SMARCA1: variants seen among roughly 807,000 people sequenced by gnomAD.
SMARCA1 encodes SWI/SNF-related matrix-associated actin-dependent regulator of chromatin subfamily A member 1.
SMARCA1 carries 17 observed loss-of-function variants against 93.6 expected under a neutral mutation model. That is an observed-to-expected ratio of 0.18 (90% CI 0.12 to 0.27). The LOEUF is 0.27. Ranked by LOEUF, SMARCA1 falls within the 10% of genes least tolerant of loss-of-function variation. SMARCA1 has a pLI of 1.00. For missense variants in SMARCA1, 630 were observed against 819.0 expected, an observed-to-expected ratio of 0.77 and a Z score of 2.82; for synonymous variants, 271 against 271.4, an observed-to-expected ratio of 1.00 and a Z score of 0.01.
chrX:129,450,818 T>C (rs1182681132), intron 23 of SMARCA1, among the ~76,000 whole-genome samples: 1 of 111,685 alleles, frequency 9.0e-6, no homozygotes, highest in African/African-American at 3.3e-5. Flanking sequence ...TTTTCTGCAA[T>C]GAACATTTAA....
At chrX:129,465,074 A>C (rs975352302) in intron 23 of SMARCA1, among the ~76,000 whole-genome samples, 6 of 111,150 alleles carry the variant, frequency 5.4e-5, no homozygotes, top group Admixed American at 3.8e-4. Context: ...ACAGCTATAA[A>C]GGGGGCATTT....
rs938004877 is a variant in SMARCA1 at position 129,498,054 on chromosome X, A to G, written c.1295T>C (p.Met432Thr). 3.4e-6 allele frequency: 4 copies of G among 1,174,114 alleles called. No homozygotes were observed. The highest frequency in any genetic ancestry group is 2.4e-4 in the Middle Eastern group (1 of 4,242). ...AGAGTTTAAAACATCAATATCTTTC[A>G]TCAGGATTTTTGTATACCTAAAAAT... ...MQREWYTKIL[M>T]KDIDVLNSSG... The change falls in exon 11 of 25, where the codon ATG becomes ACG. Residue 432 changes from methionine to threonine, a missense_variant. By Grantham distance (81) the Met-to-Thr change is moderately conservative (BLOSUM62 -1). This residue lies in a region of SMARCA1 where 382 missense variants were observed against 537.9 expected (regional missense o/e 0.71). Transcript: ENST00000371121.
chrX:129,506,322 A>C (rs1216188084), intron 7 of SMARCA1, 111 bp from the exon 8 acceptor site: 1 of 574,114 alleles, frequency 1.7e-6, no homozygotes, highest in East Asian at 3.3e-5. Context: ...TAACTTGAAA[A>C]TTTTCTATGG....
At chrX:129,461,351 C>A (rs982484639) in intron 23 of SMARCA1, among the ~76,000 whole-genome samples, 4 of 111,609 alleles carry the variant, frequency 3.6e-5, no homozygotes, top group Non-Finnish European at 7.5e-5. Context: ...TTAAATTCTG[C>A]TTTTTCTACT....
chrX:129,488,562 T>G (rs1933992057), intron 16 of SMARCA1, among the ~76,000 whole-genome samples: 1 of 103,359 alleles, frequency 9.7e-6, no homozygotes, highest in Non-Finnish European at 2.0e-5. Context: ...GAGTTATCAT[T>G]GCACCACTGC....
intron 17 of SMARCA1, 124 bp downstream of exon 17, chrX:129,486,894 T>C (rs1416713047): frequency 3.7e-6 from 2 of 544,740 alleles, no homozygotes; most frequent in Non-Finnish European, 6.1e-6. Flanking sequence ...ATGAGATATT[T>C]AGACCTATAT....
intron 1 of SMARCA1, among the ~76,000 whole-genome samples, chrX:129,522,170 G>C (rs1295634236): frequency 6.3e-5 from 7 of 111,507 alleles, no homozygotes; most frequent in Admixed American, 5.7e-4. Flanking sequence ...ACGTTTTATA[G>C]TTTTATTTGC....
At position 129,518,385 on chromosome X, in the gene SMARCA1, C is replaced by A; in HGVS notation, c.237G>T (p.Met79Ile). ...AAKAPKSEKE[M>I]DPEYEEKMKA... Reference sequence around the variant, plus strand: ...CCATTTTCTCTTCATATTCTGGGTCCATTTCCTTTTCAGATTTAGGCGCTT... The same window carrying A: ...CCATTTTCTCTTCATATTCTGGGTCAATTTCCTTTTCAGATTTAGGCGCTT... Residue 79 changes from methionine (M) to isoleucine (I), a missense_variant, in exon 2 of 25, where the codon ATG becomes ATT. Physicochemically the swap from Met to Ile is conservative, Grantham distance 10. Coordinates refer to ENST00000371121, the MANE Select transcript of SMARCA1 (RefSeq NM_001282874.2). 1 of 1,189,734 alleles carries A rather than the reference C, an allele frequency of 8.4e-7. No homozygotes were observed. Among genetic ancestry groups the A allele is most frequent in the Non-Finnish European group, 1.1e-6 (1 of 879,721 alleles).
chrX:129,465,719 T>C lies in SMARCA1; in HGVS notation c.2831A>G (p.Lys944Arg). ...AATGCGCAACTGATGAAATGGAGCC[T>C]TGTATCTTGCAATCTGTGTATTTAA... ...KALDAKIARY[K>R]APFHQLRIQY... The change falls in exon 23 of 25, where the codon AAG becomes AGG. Residue 944 changes from lysine (K) to arginine (R), a missense_variant. By Grantham distance (26) the Lys-to-Arg change is conservative. This residue lies in a region of SMARCA1 where 93 missense variants were observed against 160.8 expected (regional missense o/e 0.58). Transcript: ENST00000371121. 1 of 1,173,235 alleles carries C rather than the reference T, an allele frequency of 8.5e-7. No homozygotes were observed. Among genetic ancestry groups the C allele is most frequent in the Non-Finnish European group, 1.1e-6 (1 of 875,718 alleles).
rs190105402 is a variant in SMARCA1 at position 129,493,724 on chromosome X, G to A, written c.1627-649C>T. Among the ~76,000 whole-genome samples the A allele has an allele frequency of 4.5e-5, 5 of 112,134 alleles. No individual in the cohort carries two copies. The East Asian group carries it at 8.4e-4, about 19-fold the overall frequency. On this transcript the variant is annotated intron_variant, in intron 12 of 24. Coordinates refer to ENST00000371121, the MANE Select transcript of SMARCA1 (RefSeq NM_001282874.2). The stretch of plus-strand genomic sequence containing the variant: ...TACCAATACTTTACCGCGCTGCTGG[G>A]AGAATTCAATTGGAACTTTAAGTTG...
At chrX:129,463,133 A>G (rs1932834765) in intron 23 of SMARCA1, among the ~76,000 whole-genome samples, 1 of 111,693 alleles carries the variant, frequency 9.0e-6, no homozygotes, top group African/African-American at 3.2e-5. Context: ...TAAAAACTCA[A>G]AATTCAATAA....
intron 23 of SMARCA1, among the ~76,000 whole-genome samples, chrX:129,462,430 G>A (rs1932822532): frequency 1.8e-5 from 2 of 111,691 alleles, no homozygotes; most frequent in South Asian, 7.5e-4. Flanking sequence ...AGATCATCAA[G>A]AACCATCAAT....
intron 17 of SMARCA1, among the ~76,000 whole-genome samples, chrX:129,485,446 T>G (rs1230295610): frequency 8.9e-6 from 1 of 112,344 alleles, no homozygotes; most frequent in Non-Finnish European, 1.9e-5. Flanking sequence ...GGCTCACAGC[T>G]GTAAGGAACT....
At chrX:129,456,974 T>TAACATG (rs1302108468) in intron 23 of SMARCA1, among the ~76,000 whole-genome samples, 1 of 112,317 alleles carries the variant, frequency 8.9e-6, no homozygotes, top group Non-Finnish European at 1.9e-5. Flanking sequence ...AGCTCTACTG[T>TAACATG]AACATGCTAT....
intron 5 of SMARCA1, among the ~76,000 whole-genome samples, chrX:129,512,354 G>C (rs777001605): frequency 3.6e-4 from 40 of 111,692 alleles, no homozygotes; most frequent in Non-Finnish European, 6.8e-4. Flanking sequence ...CGCTTCCTTT[G>C]CCAGCCTGCT....
At chrX:129,501,456 C>T (rs1934554009) in intron 9 of SMARCA1, among the ~76,000 whole-genome samples, 1 of 109,105 alleles carries the variant, frequency 9.2e-6, no homozygotes, top group East Asian at 2.9e-4. Context: ...CCACCACGCT[C>T]GGCTAATTTT....
rs1290214935 is a variant in SMARCA1, at chrX:129,523,390, G to A, written c.-20C>T. On this transcript the variant is annotated 5_prime_UTR_variant, in exon 1 of 25. Coordinates refer to ENST00000371121, the MANE Select transcript of SMARCA1 (RefSeq NM_001282874.2). ...CTCCATGCCGTGGGAGCGGGAACGAGTAGGGGGACAAGGCAGGGGACGAGG... is the reference window on the plus strand; with the variant it reads ...CTCCATGCCGTGGGAGCGGGAACGAATAGGGGGACAAGGCAGGGGACGAGG... The A allele has an allele frequency of 8.7e-7, 1 of 1,149,712 alleles. No homozygotes were observed. Among genetic ancestry groups the A allele is most frequent in the Non-Finnish European group, 1.2e-6 (1 of 866,518 alleles). 94.7% of individuals were successfully genotyped at this position (1,149,712 alleles called of 1,213,427 possible).
At chrX:129,494,095 A>T (rs1227533691) in intron 12 of SMARCA1, among the ~76,000 whole-genome samples, 2 of 112,307 alleles carry the variant, frequency 1.8e-5, no homozygotes, top group Non-Finnish European at 3.8e-5. Flanking sequence ...TGAAATTCAG[A>T]GTCTCTGAGG....
chrX:129,489,035 G>T lies in SMARCA1; in HGVS notation c.1999C>A (p.Gln667Lys). 8.4e-7 allele frequency: 1 copy of T among 1,189,580 alleles called. No homozygotes were observed. Residue 667 changes from glutamine (Q) to lysine (K), a missense_variant, in exon 16 of 25, where the codon CAA becomes AAA. By Grantham distance (53) the Gln-to-Lys change is moderately conservative. Transcript: ENST00000371121. ...TGGGTGGCTCCATGCCGTATCATTT[G>T]TAACATTTCCTCTTTTGCCAGCTTG... is the stretch of plus-strand genomic sequence containing the variant. ...SNKLAKEEML[Q>K]MIRHGATHVF...
Sources: allele counts gnomAD v4.1 joint callset (sites outside exome capture counted in the v4.1 genomes callset), GRCh38; gene constraint gnomAD v4.1.1; regional missense constraint gnomAD v4.1.1; transcripts MANE v1.5; gene names NCBI Gene and HGNC (gene_info 2026-07-23, HGNC 2026-07-21).